KCNIP4: variants seen among roughly 807,000 people sequenced by gnomAD.
The protein encoded by KCNIP4 is potassium voltage-gated channel interacting protein 4, also known as Kv channel-interacting protein 4.
In KCNIP4, 12 loss-of-function variants were observed where a neutral mutation model predicts 34.0. That is an observed-to-expected ratio of 0.35 (90% confidence interval 0.23 to 0.57). The LOEUF is 0.57. Among genes scored for constraint, KCNIP4 ranks in the 20% least tolerant of loss-of-function variants. The pLI is 0.83. For missense variants in KCNIP4, 238 were observed against 311.7 expected (o/e 0.76, Z 1.78); for synonymous variants, 124 against 102.2 (o/e 1.21, Z -1.29).
chr4:20,860,603 A>G (rs75737187), intron 2 of KCNIP4, among the ~76,000 whole-genome samples: 17,000 of 152,278 alleles, frequency 0.11, 1,291 homozygotes, highest in Non-Finnish European at 0.16. Flanking sequence ...TCATTGATAA[A>G]AATACCCTCT....
At chr4:21,479,390 T>C (rs923102915) in intron 1 of KCNIP4, among the ~76,000 whole-genome samples, 1 of 152,204 alleles carries the variant, frequency 6.6e-6, no homozygotes, top group African/African-American at 2.4e-5. Flanking sequence ...ATAAGTGATG[T>C]AGTTTTTATT....
chr4:20,978,333 ACTT>A (rs1394215080), intron 1 of KCNIP4, among the ~76,000 whole-genome samples: 9 of 152,250 alleles, frequency 5.9e-5, no homozygotes, highest in African/African-American at 2.2e-4. Context: ...ACTGGAAGTT[ACTT>A]ATTATGTGGG....
intron 1 of KCNIP4, among the ~76,000 whole-genome samples, chr4:21,625,385 G>A (rs1015930345): frequency 1.3e-5 from 2 of 152,056 alleles, no homozygotes; most frequent in African/African-American, 2.4e-5. Flanking sequence ...TATCCCATTT[G>A]TAAAATTGAG....
At chr4:21,815,111 G>T (rs1252499716) in intron 1 of KCNIP4, among the ~76,000 whole-genome samples, 12 of 152,100 alleles carry the variant, frequency 7.9e-5, no homozygotes, top group African/African-American at 2.9e-4. Context: ...ATGCTATGAG[G>T]ATCGTGTACA....
chr4:21,548,561 T>C (rs1243300495), intron 1 of KCNIP4, among the ~76,000 whole-genome samples: 2 of 142,756 alleles, frequency 1.4e-5, no homozygotes, highest in Non-Finnish European at 3.1e-5. Flanking sequence ...TTTCTTGTTC[T>C]ATTCACTCTG....
chr4:20,802,453 A>G (rs887808722), intron 3 of KCNIP4, among the ~76,000 whole-genome samples: 1 of 152,056 alleles, frequency 6.6e-6, no homozygotes, highest in African/African-American at 2.4e-5. Context: ...TCAACCAGAT[A>G]GAAAATAAAT....
rs149167385 is a variant in KCNIP4, at chr4:20,967,331, T to C, written c.62-84622A>G. 6.0e-3 allele frequency among the ~76,000 whole-genome samples: 911 copies of C among 152,234 alleles called. 9 individuals carry two copies. Among genetic ancestry groups the C allele is most frequent in the Non-Finnish European group, 8.8e-3 (597 of 68,016 alleles). ...CATGCTCATGGATAGGAAGAATCAA[T>C]ATCGTGAAAATGGCCATACTGCCCA... On this transcript the variant is annotated intron_variant, in intron 1 of 8. Transcript: ENST00000382152.
Position 20,732,003 on chromosome 4 carries a change from T to TA in KCNIP4, c.705+2dup, listed in dbSNP as rs1272810975. ...TGATAGTTATTACACTTTCATTACT[T>TA]ACTTTTTGGCAGCTTTCAATGAACT... On this transcript the variant is annotated splice_region_variant and intron_variant, in intron 8 of 8. Coordinates refer to ENST00000382152, the MANE Select transcript of KCNIP4 (RefSeq NM_025221.6). 6.2e-7 allele frequency: 1 copy of TA among 1,613,282 alleles called. No homozygotes were observed.
chr4:21,816,699 C>T (rs1410836020), intron 1 of KCNIP4, among the ~76,000 whole-genome samples: 1 of 152,134 alleles, frequency 6.6e-6, no homozygotes, highest in African/African-American at 2.4e-5. Flanking sequence ...TTGGTCATCA[C>T]AGGTGATCTC....
chr4:21,729,519 C>G (rs1268640466), intron 1 of KCNIP4, among the ~76,000 whole-genome samples: 2 of 152,092 alleles, frequency 1.3e-5, no homozygotes, highest in African/African-American at 2.4e-5. Context: ...CATAAATGCA[C>G]AGTAAAAGAT....
At chr4:21,587,833 T>C (rs73252287) in intron 1 of KCNIP4, among the ~76,000 whole-genome samples, 9,058 of 152,108 alleles carry the variant, frequency 0.06, 364 homozygotes, top group African/African-American at 0.11. Flanking sequence ...AAACAGTTAA[T>C]ACACATCTTG....
intron 1 of KCNIP4, among the ~76,000 whole-genome samples, chr4:21,499,087 C>G (rs927205486): frequency 6.6e-6 from 1 of 152,082 alleles, no homozygotes; most frequent in Non-Finnish European, 1.5e-5. Flanking sequence ...AATCCCAACA[C>G]TTTGGGAGGC....
At chr4:21,183,181 G>T (rs1754970531) in intron 1 of KCNIP4, among the ~76,000 whole-genome samples, 1 of 152,066 alleles carries the variant, frequency 6.6e-6, no homozygotes, top group Admixed American at 6.6e-5. Context: ...GTAAATGACA[G>T]AATTTCCCTC....
intron 1 of KCNIP4, among the ~76,000 whole-genome samples, chr4:21,762,525 T>G (rs2109172102): frequency 6.6e-6 from 1 of 152,286 alleles, no homozygotes; most frequent in East Asian, 1.9e-4. Flanking sequence ...GCCTTTAACT[T>G]ATAAAATACT....
At chr4:20,830,000 C>T (rs1042893493) in intron 3 of KCNIP4, among the ~76,000 whole-genome samples, 1 of 152,110 alleles carries the variant, frequency 6.6e-6, no homozygotes. Flanking sequence ...GATGAGGCTC[C>T]TGATCTTCCT....
At chr4:21,087,702 T>C (rs553573468) in intron 1 of KCNIP4, among the ~76,000 whole-genome samples, 2 of 152,280 alleles carry the variant, frequency 1.3e-5, no homozygotes, top group Admixed American at 1.3e-4. Context: ...CAGGTTTATA[T>C]CGCTCTTGCC....
chr4:21,268,774 G>A (rs1221231504), intron 1 of KCNIP4, among the ~76,000 whole-genome samples: 2 of 152,198 alleles, frequency 1.3e-5, no homozygotes, highest in African/African-American at 2.4e-5. Flanking sequence ...GGTATTGGGT[G>A]CTATGGGAAG....
At chr4:21,521,985 A>T (rs1464161253) in intron 1 of KCNIP4, among the ~76,000 whole-genome samples, 2 of 152,018 alleles carry the variant, frequency 1.3e-5, no homozygotes, top group Non-Finnish European at 2.9e-5. Flanking sequence ...CATGATACCA[A>T]CTCTACCTCC....
chr4:20,835,802 A>G (rs1323409837), intron 3 of KCNIP4, among the ~76,000 whole-genome samples: 1 of 152,150 alleles, frequency 6.6e-6, no homozygotes, highest in East Asian at 1.9e-4. Flanking sequence ...GCATCTTAGT[A>G]AATGGTAAGA....
Sources: allele counts gnomAD v4.1 joint callset (sites outside exome capture counted in the v4.1 genomes callset), GRCh38; gene constraint gnomAD v4.1.1; transcripts MANE v1.5; gene names NCBI Gene and HGNC (gene_info 2026-07-23, HGNC 2026-07-21).